The following OR2T2 variants were observed in gnomAD, a reference collection of about 807,000 sequenced individuals.
OR2T2 encodes olfactory receptor family 2 subfamily T member 2, also known as olfactory receptor 2T2.
For missense variants in OR2T2, 138 were observed against 409.1 expected (o/e 0.34, Z 5.72); for synonymous variants, 50 against 162.7 (o/e 0.31, Z 5.27).
chr1:248,448,353 ATTATTG>A (rs1662718300), intron 2 of OR2T2, among the ~76,000 whole-genome samples: 2 of 130,426 alleles, frequency 1.5e-5, no homozygotes, highest in East Asian at 2.2e-4. Flanking sequence ...ATTCTATTTT[ATTATTG>A]TTAATCTCTT....
In OR2T2 at chr1:248,453,768, G is replaced by T. The variant is rs79439192; in HGVS notation, c.971G>T (p.Gly324Val). Residue 324 changes from glycine (G) to valine (V), a missense_variant, in exon 3 of 3, where the codon GGC (glycine) becomes GTC (valine). By Grantham distance (109) the Gly-to-Val change is moderately radical. Transcript: ENST00000642130. ...AGGGTGGCGACTGTGATCAGGAAGG[G>T]CTAGCAGGGACTCCCACAGCATCAG... The T allele has an allele frequency of 5.3e-6, 8 of 1,503,846 alleles. No homozygotes were observed. The African/African-American group carries it at 1.0e-4, about 19-fold the overall frequency. The allele number at this position is 1,503,846 out of a possible 1,614,324, so 93.2% of individuals were successfully genotyped here. A position where few individuals can be genotyped will look rare whatever the true frequency, so the allele number is the denominator to read the frequency against.
intron 2 of OR2T2, among the ~76,000 whole-genome samples, chr1:248,447,167 G>GGGA (rs1174145956): frequency 6.6e-6 from 1 of 151,096 alleles, no homozygotes; most frequent in East Asian, 1.9e-4. Context: ...TGGAGAGAAG[G>GGGA]GGATAAAATC....
intron 1 of OR2T2, among the ~76,000 whole-genome samples, chr1:248,446,323 A>AG (rs1281635922): frequency 2.1e-5 from 3 of 144,906 alleles, no homozygotes; most frequent in Admixed American, 6.7e-5. Flanking sequence ...ACTGGAGCCC[A>AG]GGGGGAGATG....
intron 2 of OR2T2, among the ~76,000 whole-genome samples, chr1:248,450,636 C>T (rs1225409306): frequency 6.6e-5 from 10 of 152,216 alleles, no homozygotes; most frequent in Admixed American, 6.5e-4. Flanking sequence ...TCGTTTGTCT[C>T]ATTCTTGCCT....
chr1:248,446,680 C>T (rs1171574441), exon 2 of OR2T2: 1 of 148,164 alleles, frequency 6.7e-6, no homozygotes. Flanking sequence ...AGAAGCATTC[C>T]CCTGCACATC....
intron 2 of OR2T2, among the ~76,000 whole-genome samples, chr1:248,450,611 T>C (rs1243688602): frequency 2.0e-5 from 3 of 152,236 alleles, no homozygotes; most frequent in Non-Finnish European, 2.9e-5. Flanking sequence ...AATTGGTTAT[T>C]TTCTTAGGTC....
chr1:248,446,652 G>A (rs1166034344), exon 2 of OR2T2: 2 of 148,030 alleles, frequency 1.4e-5, no homozygotes, highest in African/African-American at 2.7e-5. Context: ...GCCACCACAC[G>A]AACTGACACT....
At chr1:248,446,237 T>C (rs1178431937) in intron 1 of OR2T2, among the ~76,000 whole-genome samples, 8 of 123,554 alleles carry the variant, frequency 6.5e-5, no homozygotes, top group African/African-American at 2.6e-4. Flanking sequence ...CTTAAGATCT[T>C]TTTTTTTAAT....
chr1:248,448,268 T>TGAA (rs550458966), intron 2 of OR2T2, among the ~76,000 whole-genome samples: 7,284 of 131,396 alleles, frequency 0.055, 5 homozygotes, highest in East Asian at 0.078. Flanking sequence ...TTTGAAATCA[T>TGAA]GAAGGAAAAA....
intron 2 of OR2T2, among the ~76,000 whole-genome samples, chr1:248,451,479 TTGTTTTGTTTTTTG>T (rs1558340158): frequency 8.4e-6 from 1 of 118,968 alleles, no homozygotes; most frequent in Non-Finnish European, 1.6e-5. Context: ...TTTTGTTTTC[TTGTTTTGTTTTTTG>T]AGACAAAGTC....
rs201321023 is a variant in OR2T2 at position 248,450,347 on chromosome 1, C to CTTTT, written c.-22-2419_-22-2416dup. On this transcript the variant is annotated intron_variant, in intron 2 of 2. Transcript: ENST00000642130. ...CAACGCTCACACTCACAAGGAACCT[C>CTTTT]TTTTTTTTTTTTTAACACGGTCTCG... Among the ~76,000 whole-genome samples, 96 of 138,878 alleles carry CTTTT rather than the reference C, an allele frequency of 6.9e-4. 1 individual carries two copies. The highest frequency in any genetic ancestry group is 3.0e-3 in the African/African-American group (95 of 31,636). 91.1% of individuals were successfully genotyped at this position (138,878 alleles called of 152,430 possible).
chr1:248,446,235 C>CTT (rs144488546), intron 1 of OR2T2, among the ~76,000 whole-genome samples: 19,240 of 139,148 alleles, frequency 0.14, 2,554 homozygotes, highest in East Asian at 0.35. Context: ...GCCTTAAGAT[C>CTT]TTTTTTTTTA....
At chr1:248,446,945 C>G (rs1267786986) in intron 2 of OR2T2, 134 bp downstream of exon 2, 4 of 135,702 alleles carry the variant, frequency 2.9e-5, no homozygotes, top group Non-Finnish European at 6.2e-5. Flanking sequence ...GCCAAGAAAA[C>G]TTCTATCTTA....
intron 2 of OR2T2, among the ~76,000 whole-genome samples, chr1:248,451,486 G>GT (rs1226134465): frequency 3.4e-5 from 4 of 119,068 alleles, no homozygotes; most frequent in East Asian, 4.6e-4. Flanking sequence ...TTCTTGTTTT[G>GT]TTTTTTGAGA....
exon 3 of OR2T2, chr1:248,454,265 G>T: frequency 1.1e-5 from 1 of 91,402 alleles, no homozygotes; most frequent in Non-Finnish European, 1.8e-5. Context: ...TGTCTGTATT[G>T]CTAACGTGTG....
chr1:248,451,497 CAA>C (rs1204424192), intron 2 of OR2T2, among the ~76,000 whole-genome samples: 22 of 120,492 alleles, frequency 1.8e-4, no homozygotes, highest in African/African-American at 5.6e-4. Context: ...TTTTTTGAGA[CAA>C]AGTCTTACTC....
rs775690958 is a variant in OR2T2 at position 248,453,731 on chromosome 1, T to A, written c.934T>A (p.Ser312Thr). ...GAAAGTACTAGGGAGATGTGGTTCC[T>A]CCCAGAGCATCAGGGTGGCGACTGT... is the stretch of plus-strand genomic sequence containing the variant. The change falls in exon 3 of 3, where the codon TCC becomes ACC. Residue 312 changes from serine (S) to threonine (T), a missense_variant. Ser to Thr is a moderately conservative substitution (Grantham distance 58). Transcript: ENST00000642130. 1.9e-6 allele frequency: 3 copies of A among 1,604,658 alleles called. No individual in the cohort carries two copies. The Admixed American group carries it at 5.0e-5, about 27-fold the overall frequency.
intron 2 of OR2T2, among the ~76,000 whole-genome samples, chr1:248,450,016 C>T (rs541211657): frequency 0.035 from 4,986 of 144,324 alleles, 22 homozygotes; most frequent in African/African-American, 0.14. Context: ...TGTAGATGCT[C>T]GGAACTGATG....
At position 248,449,934 on chromosome 1, in the gene OR2T2, T is replaced by G. The variant is rs537298154; in HGVS notation, c.-22-2842T>G. ...AGATGACCTGATGGGGAATGGAATCTAGGATCTTGTATGTGTGAATAAGTC... is the reference window on the plus strand; with the variant it reads ...AGATGACCTGATGGGGAATGGAATCGAGGATCTTGTATGTGTGAATAAGTC... On this transcript the variant is annotated intron_variant, in intron 2 of 2. Coordinates refer to ENST00000642130, the Ensembl canonical transcript of OR2T2. 9.9e-3 allele frequency among the ~76,000 whole-genome samples: 1,353 copies of G among 137,240 alleles called. 22 individuals carry two copies. Among genetic ancestry groups the G allele is most frequent in the African/African-American group, 0.042 (1,265 of 30,168 alleles). 90.0% of individuals were successfully genotyped at this position (137,240 alleles called of 152,430 possible).
Sources: gnomAD v4.1 joint callset for allele counts (sites outside exome capture counted in the v4.1 genomes callset) on GRCh38, gnomAD v4.1.1 for gene constraint, MANE v1.5 for transcripts, NCBI Gene and HGNC (gene_info 2026-07-23, HGNC 2026-07-21) for gene names.